VTI1A: variants seen among roughly 807,000 people sequenced by gnomAD.
VTI1A encodes vesicle transport through interaction with t-SNAREs homolog 1A.
Under a neutral mutation model 34.9 loss-of-function variants are expected in VTI1A, and 22 were observed. That is an observed-to-expected ratio of 0.63 (90% CI 0.45 to 0.90). The LOEUF is 0.90. Among genes scored for constraint, VTI1A ranks in the 40% least tolerant of loss-of-function variants. VTI1A has a pLI of 0.00. For missense variants in VTI1A, 268 were observed against 275.6 expected, an observed-to-expected ratio of 0.97 and a Z score of 0.20; for synonymous variants, 87 against 97.3, an observed-to-expected ratio of 0.89 and a Z score of 0.62.
intron 5 of VTI1A, among the ~76,000 whole-genome samples, chr10:112,650,216 T>A (rs1846955623): frequency 6.6e-6 from 1 of 152,238 alleles, no homozygotes; most frequent in African/African-American, 2.4e-5. Flanking sequence ...CTTCTATTTT[T>A]AATTTTTTTT....
chr10:112,629,374 G>A (rs1041433275), intron 5 of VTI1A, among the ~76,000 whole-genome samples: 3 of 152,182 alleles, frequency 2.0e-5, no homozygotes, highest in African/African-American at 4.8e-5. Flanking sequence ...TCCTCCTATC[G>A]CCGTCATTCT....
Position 112,610,026 on chromosome 10 carries a change from G to A in VTI1A, c.428-58192G>A, listed in dbSNP as rs181472642. 1.4e-4 allele frequency among the ~76,000 whole-genome samples: 21 copies of A among 151,940 alleles called. No individual in the cohort carries two copies. In the East Asian group the frequency reaches 3.3e-3, roughly 24 times the overall value. ...GTACAATATTTGCAGAAAAAAAAATGTGGTAAACACATAGGAAAAGAGAAA... is the reference window on the plus strand; with the variant it reads ...GTACAATATTTGCAGAAAAAAAAATATGGTAAACACATAGGAAAAGAGAAA... On this transcript the variant is annotated intron_variant, in intron 5 of 7. Transcript: ENST00000393077.
At chr10:112,854,367 C>A in the VTI1A span, among the ~76,000 whole-genome samples, 1 of 152,162 alleles carries the variant, frequency 6.6e-6, no homozygotes, top group Admixed American at 6.5e-5. Context: ...TTGATCAAGA[C>A]CACACAATTA....
chr10:112,484,077 A>G (rs1413576263), intron 3 of VTI1A, among the ~76,000 whole-genome samples: 1 of 152,228 alleles, frequency 6.6e-6, no homozygotes, highest in African/African-American at 2.4e-5. Context: ...ACCAACCTAC[A>G]CTTATTTCAA....
At chr10:112,474,187 G>A (rs1211603114) in intron 3 of VTI1A, among the ~76,000 whole-genome samples, 3 of 151,610 alleles carry the variant, frequency 2.0e-5, no homozygotes, top group South Asian at 2.1e-4. Flanking sequence ...TCAGCCTCCC[G>A]AGTAGCTGGG....
Position 112,666,806 on chromosome 10 carries a change from T to C in VTI1A, c.428-1412T>C, listed in dbSNP as rs188357799. ...TAGTCCAGTGATGTTCTTATATCAA[T>C]CAATTATCATTCAATAAATGCTTAT... On this transcript the variant is annotated intron_variant, in intron 5 of 7. Coordinates refer to ENST00000393077, the MANE Select transcript of VTI1A (RefSeq NM_145206.4). Among the ~76,000 whole-genome samples the C allele has an allele frequency of 2.1e-4, 32 of 152,304 alleles. 1 individual carries two copies. Among genetic ancestry groups the C allele is most frequent in the South Asian group, 6.2e-4 (3 of 4,826 alleles).
chr10:112,465,938 A>G lies in VTI1A; in HGVS notation c.264+1281A>G, dbSNP rs560551812. ...TTTTAAAAACCCTGCTAATGATAAA[A>G]GAACAAAGAAGTTAACACAATAACA... On this transcript the variant is annotated intron_variant, in intron 3 of 7. Transcript: ENST00000393077. 2.6e-5 allele frequency among the ~76,000 whole-genome samples: 4 copies of G among 152,376 alleles called. No homozygotes were observed. The East Asian group carries it at 7.7e-4, about 29-fold the overall frequency.
intron 4 of VTI1A, chr10:112,527,523 T>C (rs1850276584): frequency 6.4e-6 from 1 of 156,288 alleles, no homozygotes; most frequent in Non-Finnish European, 1.4e-5. Flanking sequence ...TTGATAATAA[T>C]GCAGTATAAT....
At chr10:112,595,879 A>C (rs1163693060) in intron 5 of VTI1A, among the ~76,000 whole-genome samples, 1 of 152,196 alleles carries the variant, frequency 6.6e-6, no homozygotes, top group Non-Finnish European at 1.5e-5. Flanking sequence ...TTATTGTGGC[A>C]CTATTCACAA....
the VTI1A span, chr10:112,824,390 A>G: frequency 6.6e-6 from 1 of 152,388 alleles, no homozygotes; most frequent in Non-Finnish European, 1.5e-5. Flanking sequence ...AGCCTGGCCA[A>G]CATGGTGAAA....
chr10:112,842,696 T>C, the VTI1A span, among the ~76,000 whole-genome samples: 4 of 152,236 alleles, frequency 2.6e-5, no homozygotes, highest in East Asian at 5.8e-4. Flanking sequence ...GCACTCCGTG[T>C]AGGTGGATCA....
intron 4 of VTI1A, among the ~76,000 whole-genome samples, chr10:112,529,258 G>T (rs11195986): frequency 0.13 from 20,344 of 152,034 alleles, 1,609 homozygotes; most frequent in East Asian, 0.27. Flanking sequence ...CACACTGAAC[G>T]TTTTGGATAT....
intron 5 of VTI1A, among the ~76,000 whole-genome samples, chr10:112,588,534 G>A (rs1844250389): frequency 6.6e-6 from 1 of 152,282 alleles, no homozygotes; most frequent in African/African-American, 2.4e-5. Context: ...CAGAGCTACT[G>A]TACATCTTCT....
chr10:112,628,825 A>G (rs1564856128), intron 5 of VTI1A, among the ~76,000 whole-genome samples: 1 of 152,076 alleles, frequency 6.6e-6, no homozygotes, highest in East Asian at 1.9e-4. Context: ...CTTATCTCCC[A>G]GAGATAACCA....
rs1454454336 is a variant in VTI1A at position 112,579,738 on chromosome 10, A to T, written c.427+41408A>T. On this transcript the variant is annotated intron_variant, in intron 5 of 7. Coordinates refer to ENST00000393077, the MANE Select transcript of VTI1A (RefSeq NM_145206.4). ...TAATAGAGAAGAAAAGAGCCTTAGA[A>T]CCCTAAGGAAAGTGCATTTCACAGG... 2.6e-5 allele frequency among the ~76,000 whole-genome samples: 4 copies of T among 152,310 alleles called. No individual in the cohort carries two copies. In the East Asian group the frequency reaches 7.7e-4, roughly 29 times the overall value.
intron 7 of VTI1A, among the ~76,000 whole-genome samples, chr10:112,738,484 C>T (rs895490091): frequency 1.3e-5 from 2 of 152,120 alleles, no homozygotes; most frequent in African/African-American, 4.8e-5. Flanking sequence ...TAGGATTCAG[C>T]ACAGTTCTTG....
At chr10:112,746,850 C>CTAATATATCATG (rs1338895181) in intron 7 of VTI1A, among the ~76,000 whole-genome samples, 2 of 152,180 alleles carry the variant, frequency 1.3e-5, no homozygotes, top group Non-Finnish European at 2.9e-5. Context: ...TCTAATATGT[C>CTAATATATCATG]CGAACTAGAA....
rs972497452 is a variant in VTI1A, at chr10:112,720,699, A to C, written c.560+51701A>C. On this transcript the variant is annotated intron_variant, in intron 7 of 7. Coordinates refer to ENST00000393077, the MANE Select transcript of VTI1A (RefSeq NM_145206.4). ...AGGCGATAACTGAATTGTTCTCAGGAAGCAATTTGCTTCTAAAACTTTGTT... is the reference window on the plus strand; with the variant it reads ...AGGCGATAACTGAATTGTTCTCAGGCAGCAATTTGCTTCTAAAACTTTGTT... 3.4e-4 allele frequency among the ~76,000 whole-genome samples: 52 copies of C among 152,314 alleles called. 1 individual carries two copies. The highest frequency in any genetic ancestry group is 1.2e-3 in the African/African-American group (51 of 41,562).
At chr10:112,652,472 G>A (rs1366465041) in intron 5 of VTI1A, among the ~76,000 whole-genome samples, 1 of 152,184 alleles carries the variant, frequency 6.6e-6, no homozygotes, top group African/African-American at 2.4e-5. Flanking sequence ...TGTAATCCCA[G>A]CCCTTTGGGA....
Sources: allele counts gnomAD v4.1 joint callset (sites outside exome capture counted in the v4.1 genomes callset), GRCh38; gene constraint gnomAD v4.1.1; transcripts MANE v1.5; gene names NCBI Gene and HGNC (gene_info 2026-07-23, HGNC 2026-07-21).